Variants in UNC5A observed in about 807,000 individuals in gnomAD.
UNC5A encodes the protein unc-5 netrin receptor A.
UNC5A carries 20 observed loss-of-function variants against 87.4 expected under a neutral mutation model. The ratio of observed to expected loss-of-function variants is 0.23; its 90% confidence interval spans 0.16 to 0.33. UNC5A has a LOEUF of 0.33. Ranked by LOEUF, UNC5A falls within the 10% of genes least tolerant of loss-of-function variation. UNC5A has a pLI of 1.00. For missense variants in UNC5A, 844 were observed against 1,133.4 expected (o/e 0.74, Z 3.67); for synonymous variants, 438 against 482.3 (o/e 0.91, Z 1.20).
chr5:176,830,814 G>A (rs1297852813), intron 1 of UNC5A, among the ~76,000 whole-genome samples: 1 of 149,460 alleles, frequency 6.7e-6, no homozygotes, highest in Non-Finnish European at 1.5e-5. Flanking sequence ...GTGTGCGTGT[G>A]TGTGCGCTGG....
intron 1 of UNC5A, among the ~76,000 whole-genome samples, chr5:176,829,156 AGATGGATGGATGGATG>A (rs70991573): frequency 0.016 from 1,897 of 122,230 alleles, 80 homozygotes; most frequent in African/African-American, 0.062. Flanking sequence ...AAAGAAAGAA[AGATGGATGGATGGATG>A]GATGGATGGA....
At position 176,862,626 on chromosome 5, in the gene UNC5A, G is replaced by GC; in HGVS notation, c.76dup (p.Gln26ProfsTer82). ...CTTCCCCCTCTGCCCTGCCGCAGGTGCCCAGCAGAGTGCCACCGTGGCCAA... is the reference window on the plus strand; with the variant it reads ...CTTCCCCCTCTGCCCTGCCGCAGGTGCCCCAGCAGAGTGCCACCGTGGCCAA... On this transcript the variant is annotated frameshift_variant, in exon 2 of 15. Coordinates refer to ENST00000329542, the MANE Select transcript of UNC5A (RefSeq NM_133369.3). LOFTEE classifies it high-confidence loss of function. 6.2e-7 allele frequency: 1 copy of GC among 1,613,246 alleles called. No individual in the cohort carries two copies. The highest frequency in any genetic ancestry group is 8.5e-7 in the Non-Finnish European group (1 of 1,179,852).
At chr5:176,863,265 G>A (rs962386930) in intron 2 of UNC5A, among the ~76,000 whole-genome samples, 6 of 152,200 alleles carry the variant, frequency 3.9e-5, no homozygotes, top group African/African-American at 1.2e-4. Flanking sequence ...AGGGAGTGCA[G>A]AAGGGGGAAG....
At chr5:176,840,745 TCCAGG>T (rs1466430891) in intron 1 of UNC5A, among the ~76,000 whole-genome samples, 1 of 152,182 alleles carries the variant, frequency 6.6e-6, no homozygotes, top group African/African-American at 2.4e-5. Context: ...ACTTACAAAG[TCCAGG>T]CCAGCTTCAG....
intron 1 of UNC5A, among the ~76,000 whole-genome samples, chr5:176,812,909 G>A (rs114463979): frequency 6.6e-6 from 1 of 152,190 alleles, no homozygotes; most frequent in African/African-American, 2.4e-5. Context: ...CGTGACCCGG[G>A]CTCCTCCCGC....
At position 176,834,115 on chromosome 5, in the gene UNC5A, G is replaced by A. The variant is rs371878538; in HGVS notation, c.70+23295G>A. ...GCTGGCACTGGGGAGGTGGAGCACCGCGGAGCTGTGTGTGTGACCTCCAGG... is the reference window on the plus strand; with the variant it reads ...GCTGGCACTGGGGAGGTGGAGCACCACGGAGCTGTGTGTGTGACCTCCAGG... On this transcript the variant is annotated intron_variant, in intron 1 of 14. Transcript: ENST00000329542. Among the ~76,000 whole-genome samples the A allele has an allele frequency of 1.7e-4, 26 of 152,304 alleles. No homozygotes were observed. The East Asian group carries it at 3.7e-3, about 21-fold the overall frequency.
chr5:176,825,230 T>A (rs1380122546), intron 1 of UNC5A, among the ~76,000 whole-genome samples: 1 of 152,006 alleles, frequency 6.6e-6, no homozygotes, highest in Non-Finnish European at 1.5e-5. Context: ...AGAGGATGAT[T>A]AGGGAATGGC....
At position 176,880,151 on chromosome 5, in the gene UNC5A, C is replaced by T; in HGVS notation, c.*265C>T. On this transcript the variant is annotated 3_prime_UTR_variant, in exon 15 of 15. Transcript: ENST00000329542. ...TGCCTGGAGCCTGGGCCAGGCCCAG[C>T]CCATCTGTGTGTGTGTATGTGCGTG... is the stretch of plus-strand genomic sequence containing the variant. 1 of 490,738 alleles carries T rather than the reference C, an allele frequency of 2.0e-6. No individual in the cohort carries two copies. Among genetic ancestry groups the T allele is most frequent in the Non-Finnish European group, 3.7e-6 (1 of 269,970 alleles). The allele number at this position is 490,738 out of a possible 1,614,324, so 30.4% of individuals were successfully genotyped here. A position where few individuals can be genotyped will look rare whatever the true frequency, so the allele number is the denominator to read the frequency against.
intron 1 of UNC5A, among the ~76,000 whole-genome samples, chr5:176,860,571 C>G (rs373141068): frequency 6.6e-6 from 1 of 152,136 alleles, no homozygotes; most frequent in East Asian, 1.9e-4. Flanking sequence ...ACTTGATGAG[C>G]CCAGTGTCTC....
In UNC5A at chr5:176,855,294, C is replaced by T. The variant is rs137928968; in HGVS notation, c.71-7330C>T. ...CCCGGCAACTCCAGGGCTCCATGCC[C>T]ACGGCTCCAAGCTCAGCACAGGGAG... On this transcript the variant is annotated intron_variant, in intron 1 of 14. Coordinates refer to ENST00000329542, the MANE Select transcript of UNC5A (RefSeq NM_133369.3). Among the ~76,000 whole-genome samples, 607 of 152,368 alleles carry T rather than the reference C, an allele frequency of 4.0e-3. 2 individuals are homozygous for T. The highest frequency in any genetic ancestry group is 0.014 in the African/African-American group (562 of 41,590).
Position 176,878,336 on chromosome 5 carries a change from A to C in UNC5A, c.1962A>C (p.Leu654=). 1 of 1,613,532 alleles carries C rather than the reference A, an allele frequency of 6.2e-7. No individual in the cohort carries two copies. ...AGGACAGTTACCACAACCTGCGCCT[A>C]TCCATCCACGATGTGCCCAGCTCCC... ...HFKDSYHNLR[L]SIHDVPSSLW... The change falls in exon 12 of 15, where the codon CTA becomes CTC. Residue 654 remains leucine, a synonymous_variant. Coordinates refer to ENST00000329542, the MANE Select transcript of UNC5A (RefSeq NM_133369.3).
At chr5:176,846,822 G>A (rs1054827034) in intron 1 of UNC5A, among the ~76,000 whole-genome samples, 1 of 152,208 alleles carries the variant, frequency 6.6e-6, no homozygotes, top group Admixed American at 6.5e-5. Context: ...AGGCCCGGAG[G>A]GAGCTGGGGC....
In UNC5A at chr5:176,877,632, C is replaced by A. The variant is rs1010371411; in HGVS notation, c.1564C>A (p.His522Asn). The A allele has an allele frequency of 3.1e-6, 5 of 1,612,490 alleles. No homozygotes were observed. Among genetic ancestry groups the A allele is most frequent in the Non-Finnish European group, 4.2e-6 (5 of 1,179,696 alleles). Residue 522 changes from histidine (H) to asparagine (N), a missense_variant, in exon 10 of 15, where the codon CAC becomes AAC. Physicochemically the swap from His to Asn is moderately conservative, Grantham distance 68. Transcript: ENST00000329542. ...CCGGCCAGTCATCCTGGCTATGGACCACTGTGGGGAGCCCAGCCCTGACAG... is the reference window on the plus strand; with the variant it reads ...CCGGCCAGTCATCCTGGCTATGGACAACTGTGGGGAGCCCAGCCCTGACAG... ...LTRPVILAMD[H>N]CGEPSPDSWS...
intron 1 of UNC5A, among the ~76,000 whole-genome samples, chr5:176,818,682 G>T (rs1381789339): frequency 6.6e-6 from 1 of 152,190 alleles, no homozygotes; most frequent in Non-Finnish European, 1.5e-5. Context: ...CACCTTGTGG[G>T]CTCTCCTATG....
At chr5:176,873,841 G>A (rs1430965909) in intron 6 of UNC5A, 127 bp from the exon 7 acceptor site, 21 of 931,776 alleles carry the variant, frequency 2.3e-5, no homozygotes, top group East Asian at 1.8e-4. Flanking sequence ...TGCCACAAGC[G>A]TCTGCTCCCT....
At position 176,877,649 on chromosome 5, in the gene UNC5A, C is replaced by T; in HGVS notation, c.1581C>T (p.Ser527=). 5.0e-6 allele frequency: 8 copies of T among 1,612,166 alleles called. No homozygotes were observed. The highest frequency in any genetic ancestry group is 6.8e-6 in the Non-Finnish European group (8 of 1,179,392). The change falls in exon 10 of 15, where the codon AGC becomes AGT. Residue 527 remains serine (S), a synonymous_variant. Coordinates refer to ENST00000329542, the MANE Select transcript of UNC5A (RefSeq NM_133369.3). ...ILAMDHCGEP[S]PDSWSLRLKK... ...CTATGGACCACTGTGGGGAGCCCAG[C>T]CCTGACAGCTGGAGCCTGCGCCTCA...
intron 1 of UNC5A, among the ~76,000 whole-genome samples, chr5:176,860,693 G>A (rs1025753312): frequency 5.9e-5 from 9 of 152,328 alleles, no homozygotes; most frequent in East Asian, 1.9e-4. Flanking sequence ...CTGAGCCTAC[G>A]ACAGACCCCA....
rs1031111471 is a variant in UNC5A, at chr5:176,866,432, G to A, written c.293-1698G>A. Among the ~76,000 whole-genome samples, 1 of 152,188 alleles carries A rather than the reference G, an allele frequency of 6.6e-6. No individual in the cohort carries two copies. Among genetic ancestry groups the A allele is most frequent in the South Asian group, 2.1e-4 (1 of 4,834 alleles). ...GTGGCAGGACAGAAGGGGAGGGAAG[G>A]CAAAGGGAGAAGAAAAGGGAGCGCT... On this transcript the variant is annotated intron_variant, in intron 2 of 14. Transcript: ENST00000329542. The surrounding 1 kb of genome is among the most constrained non-coding windows in gnomAD (Gnocchi z 5.0).
At chr5:176,812,770 T>TG (rs1756493049) in intron 1 of UNC5A, among the ~76,000 whole-genome samples, 1 of 152,074 alleles carries the variant, frequency 6.6e-6, no homozygotes, top group Admixed American at 6.5e-5. Context: ...ACTCTGCCCC[T>TG]GGGCCTGCGG....
Sources: gnomAD v4.1 joint callset for allele counts (sites outside exome capture counted in the v4.1 genomes callset) on GRCh38, gnomAD v4.1.1 for gene constraint, Gnocchi (gnomAD v3.1) non-coding constraint, MANE v1.5 for transcripts, NCBI Gene and HGNC (gene_info 2026-07-23, HGNC 2026-07-21) for gene names.